SRCAP: variants seen among roughly 807,000 people sequenced by gnomAD.
The protein encoded by SRCAP is chromatin remodeling protein SRCAP.
A neutral mutation model predicts 263.1 loss-of-function variants in SRCAP; 46 were observed. The ratio of observed to expected loss-of-function variants is 0.17; its 90% CI spans 0.14 to 0.22. The LOEUF is 0.22. Among genes scored for constraint, SRCAP ranks in the 10% least tolerant of loss-of-function variants. The probability of loss-of-function intolerance (pLI) is 1.00; values close to 1 mark genes in which losing one functional copy is unlikely to be tolerated. For synonymous variants in SRCAP, 1,813 were observed against 1,662.1 expected, an observed-to-expected ratio of 1.09 and a Z score of -2.21; for missense variants, 3,695 against 4,181.9, an observed-to-expected ratio of 0.88 and a Z score of 3.21.
At position 30,737,447 on chromosome 16, in the gene SRCAP, A is replaced by G. The variant is rs781425131; in HGVS notation, c.7407A>G (p.Ser2469=). ...CAGTTTCTGCCCCAGTACCCATTTC[A>G]GCCCCAAATCCAATAACCATTCTCC... ...PVPVSAPVPI[S]APNPITILPV... The change falls in exon 34 of 34, where the codon TCA becomes TCG. Residue 2469 remains serine, a synonymous_variant. Coordinates refer to ENST00000262518, the MANE Select transcript of SRCAP (RefSeq NM_006662.3). The G allele has an allele frequency of 1.3e-6, 2 of 1,593,526 alleles. No individual in the cohort carries two copies. Among genetic ancestry groups the G allele is most frequent in the Admixed American group, 1.8e-5 (1 of 56,724 alleles).
At chr16:30,727,117 G>T (rs2053071843) in intron 25 of SRCAP, among the ~76,000 whole-genome samples, 1 of 152,188 alleles carries the variant, frequency 6.6e-6, no homozygotes, top group African/African-American at 2.4e-5. Context: ...AGGATTACAG[G>T]TGTGAGCCAC....
intron 3 of SRCAP, among the ~76,000 whole-genome samples, chr16:30,701,112 C>T (rs147566660): frequency 6.6e-6 from 1 of 152,212 alleles, no homozygotes; most frequent in East Asian, 1.9e-4. Context: ...TTGAATTAGG[C>T]TAGGCTGGAA....
Position 30,716,346 on chromosome 16 carries a change from T to C in SRCAP, c.2684T>C (p.Met895Thr). 3 of 1,614,208 alleles carry C rather than the reference T, an allele frequency of 1.9e-6. No individual in the cohort carries two copies. The highest frequency in any genetic ancestry group is 2.5e-6 in the Non-Finnish European group (3 of 1,180,038). Residue 895 changes from methionine to threonine, a missense_variant, in exon 18 of 34, where the codon ATG becomes ACG. Physicochemically the swap from Met to Thr is moderately conservative, Grantham distance 81. This residue lies in a region of SRCAP where 147 missense variants were observed against 212.7 expected (regional missense o/e 0.69). Transcript: ENST00000262518. The stretch of plus-strand genomic sequence containing the variant: ...TTCATGAGCGTCATCAACATTTTGA[T>C]GCAGCTGAGAAAAGTTTGCAATCAT... ...GHFMSVINIL[M>T]QLRKVCNHPN...
rs550508639 is a variant in SRCAP, at chr16:30,727,416, A to T, written c.5659-1550A>T. On this transcript the variant is annotated intron_variant, in intron 25 of 33. Coordinates refer to ENST00000262518, the MANE Select transcript of SRCAP (RefSeq NM_006662.3). ...TTACAAATAGTCTTTTTTTTGAGAC[A>T]GTGTCTCACTTTGTCAATCAGGCTA... Among the ~76,000 whole-genome samples the T allele has an allele frequency of 5.3e-5, 8 of 152,264 alleles. No individual in the cohort carries two copies. The East Asian group carries it at 1.5e-3, about 29-fold the overall frequency.
At chr16:30,721,724 G>C (rs747304761) in intron 21 of SRCAP, among the ~76,000 whole-genome samples, 4 of 152,218 alleles carry the variant, frequency 2.6e-5, no homozygotes, top group Non-Finnish European at 4.4e-5. Context: ...ACATATGTTA[G>C]GCATTATGCC....
In SRCAP at chr16:30,733,856, T is replaced by C. The variant is rs769967338; in HGVS notation, c.6495-38T>C. The C allele has an allele frequency of 1.4e-5, 23 of 1,613,022 alleles. No individual in the cohort carries two copies. The Admixed American group carries it at 3.8e-4, about 27-fold the overall frequency. On this transcript the variant is annotated intron_variant, in intron 29 of 33. Coordinates refer to ENST00000262518, the MANE Select transcript of SRCAP (RefSeq NM_006662.3). This position sits in a 1 kb window ranked among gnomAD's most constrained non-coding sequence, Gnocchi z 5.3. ...GTTTACTGATGGGGTTTCCTGGATA[T>C]ATTTGGCTGCTTACACACGGCCTTC...
In SRCAP at chr16:30,736,106, G is replaced by A. The variant is rs529894078; in HGVS notation, c.6730-94G>A. 5.5e-5 allele frequency: 82 copies of A among 1,486,232 alleles called. No homozygotes were observed. The African/African-American group carries it at 9.3e-4, about 17-fold the overall frequency. The allele number at this position is 1,486,232 out of a possible 1,614,324, so 92.1% of individuals were successfully genotyped here. A position where few individuals can be genotyped will look rare whatever the true frequency, so the allele number is the denominator to read the frequency against. On this transcript the variant is annotated intron_variant, in intron 31 of 33. Transcript: ENST00000262518. The stretch of plus-strand genomic sequence containing the variant: ...AGTTCTGTTGCAAACCTAGTTTGGT[G>A]TACGCTTGGTCTCAAGTTCTTGCCT...
At chr16:30,706,762 C>G (rs1177260359) in intron 4 of SRCAP, among the ~76,000 whole-genome samples, 1 of 152,070 alleles carries the variant, frequency 6.6e-6, no homozygotes, top group African/African-American at 2.4e-5. Flanking sequence ...ATGATGACCC[C>G]TTGTATCTAG....
Position 30,707,309 on chromosome 16 carries a change from C to G in SRCAP, c.433C>G (p.Gln145Glu). Residue 145 changes from glutamine to glutamate, a missense_variant, in exon 5 of 34, where the codon CAG becomes GAG. Gln to Glu is a conservative substitution (Grantham distance 29). Coordinates refer to ENST00000262518, the MANE Select transcript of SRCAP (RefSeq NM_006662.3). Reference protein sequence around the residue: ...GHWDYLCEEMQWLSADFAQER... With the variant: ...GHWDYLCEEMEWLSADFAQER... ...CTGGGACTATTTGTGCGAAGAGATG[C>G]AGTGGCTCTCTGCTGACTTTGCTCA... The G allele has an allele frequency of 1.2e-6, 2 of 1,614,216 alleles. No homozygotes were observed. The highest frequency in any genetic ancestry group is 1.7e-6 in the Non-Finnish European group (2 of 1,180,044).
intron 16 of SRCAP, among the ~76,000 whole-genome samples, 169 bp from the exon 17 acceptor site, chr16:30,715,897 C>T (rs2052944037): frequency 6.6e-6 from 1 of 152,108 alleles, no homozygotes. Flanking sequence ...TTGTGTCTGT[C>T]TCCTTCAGCA....
chr16:30,721,607 C>A, intron 21 of SRCAP, 131 bp downstream of exon 21: 3 of 1,275,034 alleles, frequency 2.4e-6, no homozygotes, highest in Non-Finnish European at 3.2e-6. Context: ...TTTGGGAGGC[C>A]AAGGTGGGAG....
intron 5 of SRCAP, 98 bp downstream of exon 5, chr16:30,707,466 A>C (rs1024212949): frequency 6.2e-7 from 1 of 1,605,436 alleles, no homozygotes; most frequent in African/African-American, 1.3e-5. Flanking sequence ...AGGCATTAAG[A>C]GCAAACTCTT....
In SRCAP at chr16:30,737,793, C is replaced by T. The variant is rs754963198; in HGVS notation, c.7753C>T (p.Leu2585=). 8 of 1,614,228 alleles carry T rather than the reference C, an allele frequency of 5.0e-6. No individual in the cohort carries two copies. The South Asian group carries it at 8.8e-5, about 18-fold the overall frequency. The change falls in exon 34 of 34, where the codon CTG becomes TTG. Residue 2585 remains leucine, a synonymous_variant. Transcript: ENST00000262518. The part of the protein sequence containing the change: ...SSLSLVPPKD[L]LPVAVEILPV... Reference sequence around the variant, plus strand: ...ACTTTCTCTTGTGCCCCCTAAAGATCTGTTGCCAGTTGCTGTGGAGATCCT... The same window carrying T: ...ACTTTCTCTTGTGCCCCCTAAAGATTTGTTGCCAGTTGCTGTGGAGATCCT...
intron 13 of SRCAP, 69 bp from the exon 14 acceptor site, chr16:30,712,610 G>T (rs1479429680): frequency 1.2e-6 from 2 of 1,606,614 alleles, no homozygotes; most frequent in Non-Finnish European, 1.7e-6. Flanking sequence ...GGTGGCCAGG[G>T]TTATAACTGA....
rs867682530 is a variant in SRCAP at position 30,739,880 on chromosome 16, G to A, written c.*147G>A. The A allele has an allele frequency of 2.4e-6, 3 of 1,258,704 alleles. No individual in the cohort carries two copies. Among genetic ancestry groups the A allele is most frequent in the East Asian group, 2.8e-5 (1 of 35,904 alleles). The allele number at this position is 1,258,704 out of a possible 1,614,324, so 78.0% of individuals were successfully genotyped here. A position where few individuals can be genotyped will look rare whatever the true frequency, so the allele number is the denominator to read the frequency against. ...CTCCCTTCTTCCCACCAAAGTAGGG[G>A]GTAGGCAACTGGTTGTCATGGAAAT... On this transcript the variant is annotated 3_prime_UTR_variant, in exon 34 of 34. Coordinates refer to ENST00000262518, the MANE Select transcript of SRCAP (RefSeq NM_006662.3).
At chr16:30,725,189 T>TA in intron 25 of SRCAP, 107 bp downstream of exon 25, 2 of 1,495,262 alleles carry the variant, frequency 1.3e-6, no homozygotes, top group Non-Finnish European at 1.8e-6. Flanking sequence ...TTACAAAGCT[T>TA]AATGTTATGG....
At chr16:30,707,099 C>T in intron 4 of SRCAP, 84 bp from the exon 5 acceptor site, 1 of 1,407,096 alleles carries the variant, frequency 7.1e-7, no homozygotes, top group Middle Eastern at 1.9e-4. Flanking sequence ...ACACTCAGCC[C>T]ACTTAGTGCT....
intron 10 of SRCAP, 132 bp downstream of exon 10, chr16:30,711,220 T>A: frequency 1.4e-6 from 1 of 709,928 alleles, no homozygotes; most frequent in Non-Finnish European, 2.5e-6. Context: ...AAGACAGACT[T>A]GTAAACCAGT....
rs140641749 is a variant in SRCAP, at chr16:30,738,373, T to A, written c.8333T>A (p.Val2778Glu). Residue 2778 changes from valine to glutamate, a missense_variant, in exon 34 of 34, where the codon GTG becomes GAG. Coordinates refer to ENST00000262518, the MANE Select transcript of SRCAP (RefSeq NM_006662.3). ...CAGCGGGGAGCTGCCAGCACCCTAG[T>A]GCCTGGGGTCTCTGAGACTAGTGCC... ...RQQRGAASTL[V>E]PGVSETSASP... The A allele has an allele frequency of 1.9e-6, 3 of 1,558,854 alleles. No homozygotes were observed. In the East Asian group the frequency reaches 6.7e-5, roughly 35 times the overall value.
Sources: allele counts gnomAD v4.1 joint callset (sites outside exome capture counted in the v4.1 genomes callset), GRCh38; gene constraint gnomAD v4.1.1; regional missense constraint gnomAD v4.1.1; non-coding constraint Gnocchi (gnomAD v3.1); transcripts MANE v1.5; gene names NCBI Gene and HGNC (gene_info 2026-07-23, HGNC 2026-07-21).